Variants in ANKRD12 observed in about 807,000 individuals in gnomAD.
ANKRD12 encodes ankyrin repeat domain-containing protein 12.
ANKRD12 carries 85 observed loss-of-function variants against 183.4 expected under a neutral mutation model. The ratio of observed to expected loss-of-function variants is 0.46; its 90% confidence interval spans 0.39 to 0.56. The LOEUF (loss-of-function observed/expected upper bound fraction) is 0.56. ANKRD12 is among the 20% of genes least tolerant of loss of function. ANKRD12 has a pLI of 0.00. For missense variants in ANKRD12, 2,405 were observed against 2,357.1 expected (o/e 1.02, Z -0.42); for synonymous variants, 914 against 800.2 (o/e 1.14, Z -2.40).
intron 1 of ANKRD12, among the ~76,000 whole-genome samples, chr18:9,162,335 A>G (rs1044695305): frequency 6.6e-6 from 1 of 152,040 alleles, no homozygotes; most frequent in Non-Finnish European, 1.5e-5. Flanking sequence ...GCTGAGGATG[A>G]TAACAGCTTC....
At chr18:9,218,124 G>A (rs2036214818) in intron 7 of ANKRD12, among the ~76,000 whole-genome samples, 1 of 152,172 alleles carries the variant, frequency 6.6e-6, no homozygotes, top group Non-Finnish European at 1.5e-5. Context: ...AAGGTTTCCC[G>A]ATTTCTAAGT....
rs531741839 is a variant in ANKRD12, at chr18:9,282,050, C to G, written c.*924C>G. 6.6e-6 allele frequency: 1 copy of G among 152,640 alleles called. No homozygotes were observed. The highest frequency in any genetic ancestry group is 1.5e-5 in the Non-Finnish European group (1 of 67,972). The allele number at this position is 152,640 out of a possible 1,614,324, so 9.5% of individuals were successfully genotyped here. On this transcript the variant is annotated 3_prime_UTR_variant, in exon 13 of 13. Coordinates refer to ENST00000262126, the MANE Select transcript of ANKRD12 (RefSeq NM_015208.5). ...GAAACTTAGCTCTTTTTTCATCTCA[C>G]AGTAAAGCCTATTTCCCCAGGAAAA...
chr18:9,254,243 A>T lies in ANKRD12; in HGVS notation c.976A>T (p.Ser326Cys). Reference sequence around the variant, plus strand: ...AGAGGCTCAATCTGTAAATCCTTCTAGTGTTGATGAAAATATTGACTCTGA... The same window carrying T: ...AGAGGCTCAATCTGTAAATCCTTCTTGTGTTGATGAAAATATTGACTCTGA... Reference protein sequence around the residue: ...SEEAQSVNPSSVDENIDSETE... With the variant: ...SEEAQSVNPSCVDENIDSETE... Residue 326 changes from serine to cysteine, a missense_variant, in exon 9 of 13, where the codon AGT becomes TGT. Around this residue, in one of 7 missense-constraint regions of ANKRD12, gnomAD observed 1,983 missense variants for 1,725.9 expected, o/e 1.15. Transcript: ENST00000262126. 6.3e-7 allele frequency: 1 copy of T among 1,594,816 alleles called. No homozygotes were observed. The highest frequency in any genetic ancestry group is 8.5e-7 in the Non-Finnish European group (1 of 1,173,716).
intron 6 of ANKRD12, among the ~76,000 whole-genome samples, chr18:9,212,444 T>C (rs2035857687): frequency 7.1e-6 from 1 of 141,440 alleles, no homozygotes; most frequent in African/African-American, 2.6e-5. Flanking sequence ...TCTGTAGTTC[T>C]GCAACCTGCC....
At chr18:9,266,144 T>C (rs2039279152) in intron 10 of ANKRD12, among the ~76,000 whole-genome samples, 1 of 152,224 alleles carries the variant, frequency 6.6e-6, no homozygotes, top group South Asian at 2.1e-4. Flanking sequence ...GTCTGATTGG[T>C]GTACCTGAAA....
At chr18:9,217,611 T>C (rs1043815994) in intron 7 of ANKRD12, among the ~76,000 whole-genome samples, 1 of 152,200 alleles carries the variant, frequency 6.6e-6, no homozygotes, top group African/African-American at 2.4e-5. Flanking sequence ...AGAAGTCTTA[T>C]TTTGAATGAA....
chr18:9,182,892 A>T (rs1165555716), intron 2 of ANKRD12, among the ~76,000 whole-genome samples: 1 of 152,172 alleles, frequency 6.6e-6, no homozygotes, highest in Non-Finnish European at 1.5e-5. Flanking sequence ...ATTGTCTCCT[A>T]ACTGGTCTTG....
Position 9,255,189 on chromosome 18 carries a change from A to G in ANKRD12, c.1922A>G (p.Lys641Arg), listed in dbSNP as rs778560963. The G allele has an allele frequency of 1.9e-6, 3 of 1,587,394 alleles. No homozygotes were observed. Among genetic ancestry groups the G allele is most frequent in the South Asian group, 2.4e-5 (2 of 84,780 alleles). ...TTTGAAAATTCAGATTGCACACTGA[A>G]AAAAATGGATAAAGAAGGTAAAACA... is the stretch of plus-strand genomic sequence containing the variant. ...PTFENSDCTL[K>R]KMDKEGKTLK... Residue 641 changes from lysine (K) to arginine (R), a missense_variant, in exon 9 of 13, where the codon AAA (lysine) becomes AGA (arginine). Coordinates refer to ENST00000262126, the MANE Select transcript of ANKRD12 (RefSeq NM_015208.5).
At position 9,257,151 on chromosome 18, in the gene ANKRD12, AACT is replaced by A. The variant is rs745788788; in HGVS notation, c.3886_3888del (p.Leu1296del). The A allele has an allele frequency of 1.9e-6, 3 of 1,614,146 alleles. No homozygotes were observed. The South Asian group carries it at 3.3e-5, about 18-fold the overall frequency. ...AGGTCATCTTCTGTAGAAGATGTTA[AACT>A]AATTATAAGCGAGGGGAGACCTACC... On this transcript the variant is annotated inframe_deletion, in exon 9 of 13. Coordinates refer to ENST00000262126, the MANE Select transcript of ANKRD12 (RefSeq NM_015208.5).
At chr18:9,140,149 A>G (rs895856733) in intron 1 of ANKRD12, among the ~76,000 whole-genome samples, 2 of 152,218 alleles carry the variant, frequency 1.3e-5, no homozygotes, top group Non-Finnish European at 2.9e-5. Context: ...AACCTGCAAA[A>G]GTAATTTTCC....
chr18:9,167,439 T>C lies in ANKRD12; in HGVS notation c.-51-14943T>C, dbSNP rs771416445. On this transcript the variant is annotated intron_variant, in intron 1 of 12. Coordinates refer to ENST00000262126, the MANE Select transcript of ANKRD12 (RefSeq NM_015208.5). ...CCTTGAAGAAGTCCTTCACATCCCTTGTAAGTTGGATTCCTAGGTATTTTA... is the reference window on the plus strand; with the variant it reads ...CCTTGAAGAAGTCCTTCACATCCCTCGTAAGTTGGATTCCTAGGTATTTTA... 6.3e-3 allele frequency among the ~76,000 whole-genome samples: 965 copies of C among 152,284 alleles called. 7 individuals carry two copies. Among genetic ancestry groups the C allele is most frequent in the Middle Eastern group, 0.017 (5 of 294 alleles).
intron 1 of ANKRD12, among the ~76,000 whole-genome samples, chr18:9,173,067 A>ATT (rs35322750): frequency 6.2e-4 from 76 of 122,222 alleles, no homozygotes; most frequent in African/African-American, 1.7e-3. Flanking sequence ...GAGGTTGCTG[A>ATT]TTTTTTTTTT....
At chr18:9,169,133 CT>C (rs1220051168) in intron 1 of ANKRD12, among the ~76,000 whole-genome samples, 19 of 152,104 alleles carry the variant, frequency 1.2e-4, no homozygotes, top group Admixed American at 1.1e-3. Context: ...GAGTGCTTTA[CT>C]TCCAACTATG....
chr18:9,259,009 AAGTTTTCTAGT>A (rs1158570962), intron 9 of ANKRD12, 78 bp downstream of exon 9: 1 of 1,444,990 alleles, frequency 6.9e-7, no homozygotes, highest in Non-Finnish European at 9.2e-7. Context: ...ACGTAATTTG[AAGTTTTCTAGT>A]AGATAGATAA....
chr18:9,141,561 A>G (rs975968220), intron 1 of ANKRD12, among the ~76,000 whole-genome samples: 2 of 152,222 alleles, frequency 1.3e-5, no homozygotes, highest in African/African-American at 4.8e-5. Flanking sequence ...ATTCAGTTGT[A>G]ACATGGAGAT....
chr18:9,224,610 T>C (rs974851816), intron 8 of ANKRD12, among the ~76,000 whole-genome samples: 3 of 152,010 alleles, frequency 2.0e-5, no homozygotes, highest in African/African-American at 7.2e-5. Flanking sequence ...CACCATACAC[T>C]GTTGTTGAGA....
chr18:9,279,265 AC>A (rs2039997787), intron 11 of ANKRD12, among the ~76,000 whole-genome samples: 1 of 152,214 alleles, frequency 6.6e-6, no homozygotes, highest in African/African-American at 2.4e-5. Flanking sequence ...CGGGCACAGT[AC>A]TTAATGTAAC....
intron 2 of ANKRD12, among the ~76,000 whole-genome samples, chr18:9,183,033 A>G (rs1480024453): frequency 6.6e-6 from 1 of 152,188 alleles, no homozygotes; most frequent in Non-Finnish European, 1.5e-5. Flanking sequence ...GACATTTTTA[A>G]CTAACGGAGT....
chr18:9,176,276 AT>A (rs570510387), intron 1 of ANKRD12, among the ~76,000 whole-genome samples: 6 of 149,174 alleles, frequency 4.0e-5, no homozygotes, highest in South Asian at 2.1e-4. Flanking sequence ...ACACTGTTCT[AT>A]TTTTTTTTTG....
Sources: gnomAD v4.1 joint callset for allele counts (sites outside exome capture counted in the v4.1 genomes callset) on GRCh38, gnomAD v4.1.1 for gene constraint, gnomAD v4.1.1 regional missense constraint, MANE v1.5 for transcripts, NCBI Gene and HGNC (gene_info 2026-07-23, HGNC 2026-07-21) for gene names.